NOTCH3: variants seen among roughly 807,000 people sequenced by gnomAD.
The protein encoded by NOTCH3 is neurogenic locus notch homolog protein 3.
Under a neutral mutation model 213.3 loss-of-function variants are expected in NOTCH3, and 86 were observed. The observed-to-expected ratio is 0.40, with a 90% CI of 0.34 to 0.48. The LOEUF is 0.48. Among genes scored for constraint, NOTCH3 ranks in the 20% least tolerant of loss-of-function variants. NOTCH3 has a pLI of 0.57. For missense variants in NOTCH3, 2,783 were observed against 3,272.6 expected, an observed-to-expected ratio of 0.85 and a Z score of 3.65; for synonymous variants, 1,354 against 1,355.9, an observed-to-expected ratio of 1.00 and a Z score of 0.03.
At chr19:15,199,618 T>A (rs1161661760) in intron 1 of NOTCH3, among the ~76,000 whole-genome samples, 2 of 152,238 alleles carry the variant, frequency 1.3e-5, no homozygotes, top group Non-Finnish European at 2.9e-5. Flanking sequence ...TGTGCAAGTC[T>A]GCGAGTGTGC....
At chr19:15,197,951 T>C (rs2046983037) in intron 1 of NOTCH3, among the ~76,000 whole-genome samples, 1 of 152,102 alleles carries the variant, frequency 6.6e-6, no homozygotes, top group Non-Finnish European at 1.5e-5. Flanking sequence ...TGGGGCTTCA[T>C]GCCCAGGTTC....
chr19:15,167,977 A>G (rs1599367336), intron 28 of NOTCH3, among the ~76,000 whole-genome samples: 1 of 147,060 alleles, frequency 6.8e-6, no homozygotes, highest in East Asian at 2.0e-4. Context: ...TCACTGTGTC[A>G]CTCAGGCTGG....
At position 15,180,193 on chromosome 19, in the gene NOTCH3, T is replaced by C. The variant is rs1438064001; in HGVS notation, c.3206A>G (p.Tyr1069Cys). Residue 1069 changes from tyrosine (Y) to cysteine (C), a missense_variant, in exon 20 of 33, where the codon TAC becomes TGC. This residue lies in a region of NOTCH3 where 861 missense variants were observed against 909.1 expected (regional missense o/e 0.95). Coordinates refer to ENST00000263388, the MANE Select transcript of NOTCH3 (RefSeq NM_000435.3). ...GQCVDEDSSH[Y>C]CVCPEGRTGS... The stretch of plus-strand genomic sequence containing the variant: ...AGTACGGCCCTCTGGGCACACGCAG[T>C]AGTGGGAGCTGTCTTCATCCACACA... The C allele has an allele frequency of 1.9e-6, 3 of 1,613,872 alleles. No homozygotes were observed.
At chr19:15,193,003 C>T (rs2145444854) in intron 2 of NOTCH3, among the ~76,000 whole-genome samples, 1 of 152,224 alleles carries the variant, frequency 6.6e-6, no homozygotes, top group East Asian at 1.9e-4. Flanking sequence ...ACAAATACAG[C>T]AACAAACACA....
intron 28 of NOTCH3, among the ~76,000 whole-genome samples, chr19:15,169,040 A>G (rs1293571399): frequency 2.6e-5 from 4 of 152,094 alleles, no homozygotes; most frequent in Non-Finnish European, 4.4e-5. Flanking sequence ...CAGCCTCCCA[A>G]GTAGCTGAAA....
rs2145399919 is a variant in NOTCH3, at chr19:15,170,364, C to T, written c.5081G>A (p.Arg1694Gln). The change falls in exon 27 of 33, where the codon CGG (arginine) becomes CAG (glutamine). Residue 1694 changes from arginine (R) to glutamine (Q), a missense_variant. By Grantham distance (43) the Arg-to-Gln change is conservative. Around this residue, in one of 6 missense-constraint regions of NOTCH3, gnomAD observed 636 missense variants for 801.8 expected, o/e 0.79. Coordinates refer to ENST00000263388, the MANE Select transcript of NOTCH3 (RefSeq NM_000435.3). ...CAGCGCGTCCTGGCCCACGGGTTCC[C>T]GCCGGCCCTTGTGACCAGAGGCCAC... ...KDVASGHKGRREPVGQDALGM... is the reference protein window; with the variant it reads ...KDVASGHKGRQEPVGQDALGM... 1.2e-6 allele frequency: 2 copies of T among 1,613,746 alleles called. No homozygotes were observed. Among genetic ancestry groups the T allele is most frequent in the Non-Finnish European group, 1.7e-6 (2 of 1,180,014 alleles).
At chr19:15,195,170 C>A (rs1286104080) in intron 2 of NOTCH3, among the ~76,000 whole-genome samples, 1 of 152,052 alleles carries the variant, frequency 6.6e-6, no homozygotes, top group Non-Finnish European at 1.5e-5. Flanking sequence ...GACAGCAGGG[C>A]TCCCACAAAC....
chr19:15,180,886 T>C (rs1335454069), intron 18 of NOTCH3, 58 bp from the exon 19 acceptor site: 2 of 1,601,892 alleles, frequency 1.2e-6, no homozygotes, highest in African/African-American at 2.7e-5. Context: ...TGGGAGAAAC[T>C]GTGCCCCGAC....
In NOTCH3 at chr19:15,175,588, T is replaced by G. The variant is rs1020664909; in HGVS notation, c.4404-1188A>C. On this transcript the variant is annotated intron_variant, in intron 24 of 32. Coordinates refer to ENST00000263388, the MANE Select transcript of NOTCH3 (RefSeq NM_000435.3). ...ATATATATATATGTATATATATGTATATACACACACACACACACACACACA... is the reference window on the plus strand; with the variant it reads ...ATATATATATATGTATATATATGTAGATACACACACACACACACACACACA... Among the ~76,000 whole-genome samples, 466 of 47,196 alleles carry G rather than the reference T, an allele frequency of 9.9e-3. 2 individuals are homozygous for G. The highest frequency in any genetic ancestry group is 0.024 in the African/African-American group (451 of 18,534). The allele number at this position is 47,196 out of a possible 152,430, so 31.0% of individuals were successfully genotyped here.
chr19:15,190,356 C>A (rs1389392237), intron 6 of NOTCH3, among the ~76,000 whole-genome samples: 1 of 152,244 alleles, frequency 6.6e-6, no homozygotes, highest in Non-Finnish European at 1.5e-5. Context: ...GGGTCCTACA[C>A]TCCAGCCTTT....
intron 1 of NOTCH3, among the ~76,000 whole-genome samples, chr19:15,198,142 G>T (rs969244560): frequency 6.6e-6 from 1 of 152,206 alleles, no homozygotes; most frequent in African/African-American, 2.4e-5. Flanking sequence ...GCTGGAATAG[G>T]GTGTGTGTTG....
chr19:15,173,734 AAAAAAAAG>A (rs2046760237), intron 25 of NOTCH3, among the ~76,000 whole-genome samples: 5 of 4,446 alleles, frequency 1.1e-3, no homozygotes, highest in African/African-American at 0.01. Context: ...CAAAAAAAAA[AAAAAAAAG>A]AAAAGAAGAA....
At chr19:15,195,176 C>T (rs909498075) in intron 2 of NOTCH3, among the ~76,000 whole-genome samples, 1 of 152,092 alleles carries the variant, frequency 6.6e-6, no homozygotes, top group African/African-American at 2.4e-5. Flanking sequence ...AGGGCTCCCA[C>T]AAACCCTCAA....
At chr19:15,171,882 A>G (rs540803760) in intron 25 of NOTCH3, among the ~76,000 whole-genome samples, 111 of 149,710 alleles carry the variant, frequency 7.4e-4, no homozygotes, top group African/African-American at 2.7e-3. Flanking sequence ...GTTGGCCAGG[A>G]CATTGTATTT....
In NOTCH3 at chr19:15,189,161, G is replaced by A. The variant is rs775946966; in HGVS notation, c.1206C>T (p.Cys402=). ...VDECSIGANP[C]EHLGRCVNTQ... The stretch of plus-strand genomic sequence containing the variant: ...TGTTCACGCACCTGCCCAAGTGCTC[G>A]CAGGGGTTGGCGCCTGCCGGATGGA... The change falls in exon 8 of 33, where the codon TGC becomes TGT. Residue 402 remains cysteine (C), a synonymous_variant. Coordinates refer to ENST00000263388, the MANE Select transcript of NOTCH3 (RefSeq NM_000435.3). The A allele has an allele frequency of 4.3e-5, 70 of 1,613,178 alleles. No individual in the cohort carries two copies. The highest frequency in any genetic ancestry group is 5.9e-5 in the Non-Finnish European group (70 of 1,180,042).
chr19:15,179,876 G>A (rs2046824846), intron 20 of NOTCH3, among the ~76,000 whole-genome samples, 196 bp downstream of exon 20: 1 of 151,852 alleles, frequency 6.6e-6, no homozygotes, highest in Non-Finnish European at 1.5e-5. Flanking sequence ...GTGAGAACCT[G>A]TCTCAAAAAA....
At position 15,162,348 on chromosome 19, in the gene NOTCH3, A is replaced by T. The variant is rs759538209; in HGVS notation, c.5913+117T>A. 7 of 817,828 alleles carry T rather than the reference A, an allele frequency of 8.6e-6. No homozygotes were observed. The South Asian group carries it at 1.0e-4, about 12-fold the overall frequency. The allele number at this position is 817,828 out of a possible 1,614,324, so 50.7% of individuals were successfully genotyped here. On this transcript the variant is annotated intron_variant, in intron 32 of 32. Coordinates refer to ENST00000263388, the MANE Select transcript of NOTCH3 (RefSeq NM_000435.3). ...CCAAAGTAAATTATATTTTAATCCA[A>T]TGTTTGGGGTTTTATTTTGTTTTGT...
Position 15,166,134 on chromosome 19 carries a change from C to A in NOTCH3, c.5363-43G>T, listed in dbSNP as rs773034412. 1.9e-6 allele frequency: 3 copies of A among 1,561,960 alleles called. No homozygotes were observed. The South Asian group carries it at 3.3e-5, about 17-fold the overall frequency. ...TGTCAGCAGGAAGGTAAACACAGGGCCTTTTCCAGGAAATGTTATCAAGGG... is the reference window on the plus strand; with the variant it reads ...TGTCAGCAGGAAGGTAAACACAGGGACTTTTCCAGGAAATGTTATCAAGGG... On this transcript the variant is annotated intron_variant, in intron 29 of 32. Coordinates refer to ENST00000263388, the MANE Select transcript of NOTCH3 (RefSeq NM_000435.3).
At position 15,185,559 on chromosome 19, in the gene NOTCH3, A is replaced by C; in HGVS notation, c.2072T>G (p.Leu691Arg). The C allele has an allele frequency of 6.2e-7, 1 of 1,611,696 alleles. No individual in the cohort carries two copies. The highest frequency in any genetic ancestry group is 8.5e-7 in the Non-Finnish European group (1 of 1,179,450). The stretch of plus-strand genomic sequence containing the variant: ...ACAGGGATGGCTCGGGGGGAGGCAG[A>C]GTGGGGGCAAGGAGCCAGGCGGGCA... ...CLCPPGSLPPLCLPPSHPCAH... is the reference protein window; with the variant it reads ...CLCPPGSLPPRCLPPSHPCAH... The change falls in exon 13 of 33, where the codon CTC becomes CGC. Residue 691 changes from leucine to arginine, a missense_variant. Physicochemically the swap from Leu to Arg is moderately radical, Grantham distance 102 (BLOSUM62 -2). Transcript: ENST00000263388. This position sits in a 1 kb window ranked among gnomAD's most constrained non-coding sequence, Gnocchi z 4.2.
Sources: gnomAD v4.1 joint callset for allele counts (sites outside exome capture counted in the v4.1 genomes callset) on GRCh38, gnomAD v4.1.1 for gene constraint, gnomAD v4.1.1 regional missense constraint, Gnocchi (gnomAD v3.1) non-coding constraint, MANE v1.5 for transcripts, NCBI Gene and HGNC (gene_info 2026-07-23, HGNC 2026-07-21) for gene names.